The following TRRAP variants were observed in gnomAD, a reference collection of about 807,000 sequenced individuals.
TRRAP encodes the protein transformation/transcription domain-associated protein.
In TRRAP, 41 loss-of-function variants were observed where a neutral mutation model predicts 438.8. The ratio of observed to expected loss-of-function variants is 0.09; its 90% CI spans 0.07 to 0.12. TRRAP has a LOEUF of 0.12. Among genes scored for constraint, TRRAP ranks in the 10% least tolerant of loss-of-function variants. The pLI is 1.00. For missense variants in TRRAP, 3,122 were observed against 5,055.1 expected (o/e 0.62, Z 11.60); for synonymous variants, 1,994 against 1,962.9 (o/e 1.02, Z -0.42).
chr7:98,974,030 G>T (rs558773957), intron 53 of TRRAP, among the ~76,000 whole-genome samples: 2 of 152,312 alleles, frequency 1.3e-5, no homozygotes, highest in African/African-American at 4.8e-5. Context: ...CCTGCTCTGT[G>T]TCAGGTGATG....
chr7:98,945,959 T>C lies in TRRAP; in HGVS notation c.4548+9T>C. On this transcript the variant is annotated intron_variant, in intron 33 of 72. Transcript: ENST00000456197. Reference sequence around the variant, plus strand: ...CCATGGAAGGGGTAGAGGTGAGAACTTGAGCGGAGCTACAGGAGGGGGTTG... The same window carrying C: ...CCATGGAAGGGGTAGAGGTGAGAACCTGAGCGGAGCTACAGGAGGGGGTTG... 2 of 1,458,682 alleles carry C rather than the reference T, an allele frequency of 1.4e-6. No individual in the cohort carries two copies. The highest frequency in any genetic ancestry group is 1.8e-6 in the Non-Finnish European group (2 of 1,105,466). 90.4% of individuals were successfully genotyped at this position (1,458,682 alleles called of 1,614,324 possible).
intron 67 of TRRAP, among the ~76,000 whole-genome samples, chr7:99,000,833 C>T (rs892051976): frequency 1.2e-4 from 18 of 152,220 alleles, no homozygotes; most frequent in Admixed American, 4.6e-4. Flanking sequence ...TTTGGGGGAT[C>T]GAAGCCCACT....
chr7:98,948,381 T>C lies in TRRAP; in HGVS notation c.4668+41T>C, dbSNP rs782528714. ...AAGGCTGCTTCTCGCTCTGCCACCCTCCGGTGCTTATAGCGTCCTCACTTG... is the reference window on the plus strand; with the variant it reads ...AAGGCTGCTTCTCGCTCTGCCACCCCCCGGTGCTTATAGCGTCCTCACTTG... On this transcript the variant is annotated intron_variant, in intron 34 of 72. Transcript: ENST00000456197. The surrounding 1 kb of genome is among the most constrained non-coding windows in gnomAD (Gnocchi z 4.9). 1.2e-6 allele frequency: 2 copies of C among 1,613,554 alleles called. No homozygotes were observed. The highest frequency in any genetic ancestry group is 4.5e-5 in the East Asian group (2 of 44,870).
Position 98,993,750 on chromosome 7 carries a change from G to C in TRRAP, c.10047+13G>C. 4.3e-6 allele frequency: 7 copies of C among 1,613,960 alleles called. No homozygotes were observed. The African/African-American group carries it at 8.0e-5, about 18-fold the overall frequency. The stretch of plus-strand genomic sequence containing the variant: ...TTGGCATGAAGAGGTATTTGGCTCT[G>C]ATCTTGCACATGGTGGCTCCTTGTA... On this transcript the variant is annotated intron_variant, in intron 66 of 72. Transcript: ENST00000456197.
In TRRAP at chr7:98,959,460, G is replaced by A. The variant is rs757647032; in HGVS notation, c.6459G>A (p.Leu2153=). Residue 2153 remains leucine, a synonymous_variant, in exon 45 of 73, where the codon CTG becomes CTA. Transcript: ENST00000456197. ...PDMWPKSELK[L]QWFDKLLMTV... is the part of the protein sequence containing the mutation. ...TGTGGCCCAAGTCCGAACTCAAGCT[G>A]CAGTGGTTCGACAAGCTGCTGATGA... The A allele has an allele frequency of 3.1e-6, 5 of 1,613,934 alleles. No homozygotes were observed. Among genetic ancestry groups the A allele is most frequent in the South Asian group, 1.1e-5 (1 of 91,076 alleles).
chr7:98,910,801 T>C (rs947549940), intron 16 of TRRAP, among the ~76,000 whole-genome samples, 194 bp downstream of exon 16: 1 of 152,190 alleles, frequency 6.6e-6, no homozygotes, highest in Non-Finnish European at 1.5e-5. Flanking sequence ...GTCTGTGCAT[T>C]TTTGAGGGGC....
At chr7:98,935,306 G>A (rs1449632376) in intron 27 of TRRAP, among the ~76,000 whole-genome samples, 2 of 152,162 alleles carry the variant, frequency 1.3e-5, no homozygotes, top group African/African-American at 2.4e-5. Flanking sequence ...AAAAAAAAAC[G>A]TGATGGTATC....
Position 98,903,459 on chromosome 7 carries a change from C to A in TRRAP, c.978C>A (p.His326Gln). 6.2e-7 allele frequency: 1 copy of A among 1,614,216 alleles called. No homozygotes were observed. Among genetic ancestry groups the A allele is most frequent in the Non-Finnish European group, 8.5e-7 (1 of 1,180,048 alleles). ...LLSNCPAETA[H>Q]LRKELLIAAK... is the part of the protein sequence containing the mutation. ...CAAATTGTCCAGCAGAGACTGCACA[C>A]CTCAGAAAGGAGCTTCTGATTGCTG... Residue 326 changes from histidine to glutamine, a missense_variant, in exon 12 of 73, where the codon CAC becomes CAA. By Grantham distance (24) the His-to-Gln change is conservative. This residue lies in a region of TRRAP where 343 missense variants were observed against 564.0 expected (regional missense o/e 0.61). Transcript: ENST00000456197.
Position 98,959,372 on chromosome 7 carries a change from C to T in TRRAP, c.6371C>T (p.Ser2124Phe). 1.2e-6 allele frequency: 2 copies of T among 1,614,072 alleles called. No homozygotes were observed. The highest frequency in any genetic ancestry group is 1.1e-5 in the South Asian group (1 of 91,062). Reference sequence around the variant, plus strand: ...AATGACAACACCAACACAGCGGGGTCCCCTGGGGAGGTGCTCTCTCGCCGG... The same window carrying T: ...AATGACAACACCAACACAGCGGGGTTCCCTGGGGAGGTGCTCTCTCGCCGG... ...QVNDNTNTAG[S>F]PGEVLSRRCV... is the part of the protein sequence containing the mutation. The change falls in exon 45 of 73, where the codon TCC becomes TTC. Residue 2124 changes from serine to phenylalanine, a missense_variant. Ser to Phe is a radical substitution (Grantham distance 155, BLOSUM62 -2). Coordinates refer to ENST00000456197, the MANE Select transcript of TRRAP (RefSeq NM_001375524.1).
chr7:98,907,061 C>A (rs921733895), intron 13 of TRRAP, among the ~76,000 whole-genome samples: 6 of 151,290 alleles, frequency 4.0e-5, no homozygotes, highest in Non-Finnish European at 8.8e-5. Context: ...CGGTGGCTCA[C>A]GCCTGTAATC....
rs1410177074 is a variant in TRRAP at position 98,950,151 on chromosome 7, G to A, written c.5223G>A (p.Glu1741=). The change falls in exon 38 of 73, where the codon GAG becomes GAA. Residue 1741 remains glutamate (E), a synonymous_variant. Coordinates refer to ENST00000456197, the MANE Select transcript of TRRAP (RefSeq NM_001375524.1). The stretch of plus-strand genomic sequence containing the variant: ...TCTGCAACATGACATTCTTAAAAGA[G>A]TATATGGAGGAAGAGATTCCCAAAA... ...RFLCNMTFLK[E]YMEEEIPKNY... is the part of the protein sequence containing the mutation. 6 of 1,614,048 alleles carry A rather than the reference G, an allele frequency of 3.7e-6. No individual in the cohort carries two copies. Among genetic ancestry groups the A allele is most frequent in the Non-Finnish European group, 5.1e-6 (6 of 1,180,014 alleles).
intron 44 of TRRAP, among the ~76,000 whole-genome samples, chr7:98,959,045 T>C (rs1050600429): frequency 2.0e-5 from 3 of 152,006 alleles, no homozygotes; most frequent in African/African-American, 7.2e-5. Context: ...ACCTAACCAG[T>C]AGATAATTCC....
intron 39 of TRRAP, 53 bp from the exon 40 acceptor site, chr7:98,953,114 T>C: frequency 6.3e-7 from 1 of 1,576,332 alleles, no homozygotes; most frequent in Admixed American, 1.7e-5. Flanking sequence ...TGACCCTCAG[T>C]CAGTAACCCA....
At chr7:98,934,804 G>A (rs1790485529) in intron 27 of TRRAP, among the ~76,000 whole-genome samples, 1 of 152,132 alleles carries the variant, frequency 6.6e-6, no homozygotes, top group South Asian at 2.1e-4. Flanking sequence ...TGTGAGGAGA[G>A]TATTTTTGAA....
At chr7:98,945,661 A>C in intron 31 of TRRAP, 86 bp from the exon 32 acceptor site, 1 of 1,504,888 alleles carries the variant, frequency 6.6e-7, no homozygotes. Context: ...GTTAACCCCA[A>C]TAACCCTTAC....
chr7:98,976,382 G>A lies in TRRAP; in HGVS notation c.7960-101G>A. 2.5e-6 allele frequency: 4 copies of A among 1,571,212 alleles called. No homozygotes were observed. The South Asian group carries it at 4.7e-5, about 18-fold the overall frequency. On this transcript the variant is annotated intron_variant, in intron 54 of 72. Coordinates refer to ENST00000456197, the MANE Select transcript of TRRAP (RefSeq NM_001375524.1). The surrounding 1 kb of genome is among the most constrained non-coding windows in gnomAD (Gnocchi z 4.6). ...TCAGAAAATGAGGGAACCGCTGGCT[G>A]TCACTCGAGCGAATTAGGAAAGGTA...
At chr7:98,924,034 G>C (rs1789923628) in intron 21 of TRRAP, among the ~76,000 whole-genome samples, 2 of 152,202 alleles carry the variant, frequency 1.3e-5, no homozygotes, top group African/African-American at 4.8e-5. Context: ...TTTAGTAAAA[G>C]CTTAAGAAAG....
Position 98,971,820 on chromosome 7 carries a change from C to G in TRRAP, c.7714C>G (p.Leu2572Val). Residue 2572 changes from leucine (L) to valine (V), a missense_variant, in exon 53 of 73, where the codon CTA (leucine) becomes GTA (valine). Coordinates refer to ENST00000456197, the MANE Select transcript of TRRAP (RefSeq NM_001375524.1). ...TTAGGATGTAGAGATAGACATCGAACTAGCTCCTGGGGATCAGACCAGCAC... is the reference window on the plus strand; with the variant it reads ...TTAGGATGTAGAGATAGACATCGAAGTAGCTCCTGGGGATCAGACCAGCAC... ...KEEDVEIDIELAPGDQTSTPK... is the reference protein window; with the variant it reads ...KEEDVEIDIEVAPGDQTSTPK... 6.2e-7 allele frequency: 1 copy of G among 1,614,128 alleles called. No individual in the cohort carries two copies. Among genetic ancestry groups the G allele is most frequent in the Non-Finnish European group, 8.5e-7 (1 of 1,180,016 alleles).
intron 9 of TRRAP, 65 bp from the exon 10 acceptor site, chr7:98,899,614 G>A (rs189638120): frequency 6.2e-7 from 1 of 1,605,972 alleles, no homozygotes; most frequent in Non-Finnish European, 8.5e-7. Context: ...TGATTCTTCG[G>A]TATGCCAGAT....
Sources: allele counts gnomAD v4.1 joint callset (sites outside exome capture counted in the v4.1 genomes callset), GRCh38; gene constraint gnomAD v4.1.1; regional missense constraint gnomAD v4.1.1; non-coding constraint Gnocchi (gnomAD v3.1); transcripts MANE v1.5; gene names NCBI Gene and HGNC (gene_info 2026-07-23, HGNC 2026-07-21).